The following TBC1D30 variants were observed in gnomAD, a reference collection of about 807,000 sequenced individuals.
TBC1D30 encodes TBC1 domain family member 30, also known as TBC1 domain family, member 30.
Under a neutral mutation model 63.2 loss-of-function variants are expected in TBC1D30, and 31 were observed. That is an observed-to-expected ratio of 0.49 (90% confidence interval 0.37 to 0.66). TBC1D30 has a LOEUF of 0.66. Among genes scored for constraint, TBC1D30 ranks in the 30% least tolerant of loss-of-function variants. The pLI, the probability that TBC1D30 is intolerant of heterozygous loss-of-function variation, is 0.00. For missense variants in TBC1D30, 810 were observed against 953.6 expected, an observed-to-expected ratio of 0.85 and a Z score of 1.98; for synonymous variants, 307 against 361.5, an observed-to-expected ratio of 0.85 and a Z score of 1.71.
intron 1 of TBC1D30, among the ~76,000 whole-genome samples, chr12:64,766,355 CAT>C (rs1870714266): frequency 6.6e-6 from 1 of 150,610 alleles, no homozygotes; most frequent in South Asian, 2.1e-4. Context: ...GCAGAAAAAA[CAT>C]AAAGAAAATC....
chr12:64,791,212 T>C (rs1871900125), intron 2 of TBC1D30, among the ~76,000 whole-genome samples: 1 of 152,136 alleles, frequency 6.6e-6, no homozygotes, highest in South Asian at 2.1e-4. Context: ...ATGATTCCAT[T>C]TGGCAAATAT....
chr12:64,772,690 A>G lies in TBC1D30; in HGVS notation c.-376+13041A>G, dbSNP rs569237305. Among the ~76,000 whole-genome samples, 116 of 152,198 alleles carry G rather than the reference A, an allele frequency of 7.6e-4. 2 individuals are homozygous for G. Among genetic ancestry groups the G allele is most frequent in the Non-Finnish European group, 1.1e-3 (76 of 68,002 alleles). ...TGATCCACCTGCCTCGGCCTCCTAA[A>G]GTGCTGGGATTACAGGCGTGAGCCA... On this transcript the variant is annotated intron_variant, in intron 1 of 13. Coordinates refer to the TBC1D30 transcript ENST00000674237.
chr12:64,816,104 C>A (rs1592582374), intron 2 of TBC1D30, among the ~76,000 whole-genome samples: 1 of 151,092 alleles, frequency 6.6e-6, no homozygotes, highest in East Asian at 1.9e-4. Context: ...GCAATCTTGG[C>A]TCACTGCAAC....
intron 10 of TBC1D30, among the ~76,000 whole-genome samples, chr12:64,867,235 G>T (rs1878297393): frequency 6.6e-6 from 1 of 152,080 alleles, no homozygotes; most frequent in Non-Finnish European, 1.5e-5. Context: ...GGAGGCTGAG[G>T]CAGATGCATC....
intron 1 of TBC1D30, among the ~76,000 whole-genome samples, chr12:64,769,200 A>T (rs1870816786): frequency 6.6e-6 from 1 of 151,600 alleles, no homozygotes; most frequent in Admixed American, 6.6e-5. Context: ...AGAACTGATG[A>T]TTCCTGTAGA....
intron 8 of TBC1D30, among the ~76,000 whole-genome samples, chr12:64,848,627 G>C (rs1876599105): frequency 6.6e-6 from 1 of 152,140 alleles, no homozygotes; most frequent in Non-Finnish European, 1.5e-5. Context: ...TGGCTGCATA[G>C]TATTCCATGG....
chr12:64,808,498 T>C (rs1264325510), intron 2 of TBC1D30, among the ~76,000 whole-genome samples: 1 of 152,226 alleles, frequency 6.6e-6, no homozygotes, highest in East Asian at 1.9e-4. Flanking sequence ...CCTTGGAAGA[T>C]ACTGCCATAA....
At chr12:64,855,160 G>T (rs1384858752) in intron 8 of TBC1D30, among the ~76,000 whole-genome samples, 1 of 152,020 alleles carries the variant, frequency 6.6e-6, no homozygotes, top group Non-Finnish European at 1.5e-5. Flanking sequence ...CTCTCTCCTG[G>T]CCTGTAAGAT....
intron 1 of TBC1D30, among the ~76,000 whole-genome samples, chr12:64,759,837 G>A (rs1870431386): frequency 6.6e-6 from 1 of 152,208 alleles, no homozygotes; most frequent in South Asian, 2.1e-4. Flanking sequence ...CAGCTGGTGA[G>A]GAAAGTGGAC....
chr12:64,848,920 A>G (rs1342884243), intron 8 of TBC1D30, among the ~76,000 whole-genome samples: 3 of 152,152 alleles, frequency 2.0e-5, no homozygotes, highest in Non-Finnish European at 4.4e-5. Flanking sequence ...ATTTCTCCAC[A>G]TCCTCTCCAG....
chr12:64,829,026 G>A (rs1464645669), intron 3 of TBC1D30, among the ~76,000 whole-genome samples: 3 of 152,046 alleles, frequency 2.0e-5, no homozygotes, highest in South Asian at 2.1e-4. Context: ...GGGGTGGGGC[G>A]GGGCTGGGGC....
At chr12:64,820,643 G>C (rs1470615091), upstream of TBC1D30, among the ~76,000 whole-genome samples, 1 of 152,162 alleles carries the variant, frequency 6.6e-6, no homozygotes, top group Admixed American at 6.5e-5. Flanking sequence ...AAAGAATAAT[G>C]GTAAATTGGC....
At chr12:64,823,917 A>T (rs1322284235), upstream of TBC1D30, among the ~76,000 whole-genome samples, 1 of 152,164 alleles carries the variant, frequency 6.6e-6, no homozygotes, top group Non-Finnish European at 1.5e-5. Context: ...CTTCTCCTAT[A>T]CAAGTTTTCT....
chr12:64,854,490 T>TTTTC, intron 8 of TBC1D30, among the ~76,000 whole-genome samples: 1 of 138,976 alleles, frequency 7.2e-6, no homozygotes, highest in South Asian at 2.1e-4. Context: ...TAGTCTTTCT[T>TTTTC]TTTCTTTCTT....
intron 2 of TBC1D30, among the ~76,000 whole-genome samples, chr12:64,812,212 A>G (rs1873256810): frequency 6.6e-6 from 1 of 152,128 alleles, no homozygotes; most frequent in Admixed American, 6.5e-5. Flanking sequence ...TATGCCTAGG[A>G]AAAAATTACC....
At position 64,880,638 on chromosome 12, in the gene TBC1D30, C is replaced by T. The variant is rs775560220; in HGVS notation, c.*4850C>T. 12 of 152,374 alleles carry T rather than the reference C, an allele frequency of 7.9e-5. No individual in the cohort carries two copies. The highest frequency in any genetic ancestry group is 1.3e-4 in the Non-Finnish European group (9 of 68,068). The allele number at this position is 152,374 out of a possible 1,614,324, so 9.4% of individuals were successfully genotyped here. A position where few individuals can be genotyped will look rare whatever the true frequency, so the allele number is the denominator to read the frequency against. On this transcript the variant is annotated 3_prime_UTR_variant, in exon 12 of 12. Coordinates refer to ENST00000539867, the MANE Select transcript of TBC1D30 (RefSeq NM_015279.2). ...ATGGCCCCGCCTTCAAATACCATCACGTTGAAGGTTGCTTCCTTCCTGGTC... is the reference window on the plus strand; with the variant it reads ...ATGGCCCCGCCTTCAAATACCATCATGTTGAAGGTTGCTTCCTTCCTGGTC...
chr12:64,822,959 A>T (rs1013087968), upstream of TBC1D30, among the ~76,000 whole-genome samples: 8 of 152,114 alleles, frequency 5.3e-5, no homozygotes, highest in African/African-American at 1.9e-4. Context: ...TTTAGAGACC[A>T]TAACCTGGGT....
At chr12:64,866,458 C>T (rs112615878) in intron 9 of TBC1D30, among the ~76,000 whole-genome samples, 79 of 150,838 alleles carry the variant, frequency 5.2e-4, no homozygotes, top group African/African-American at 9.5e-4. Context: ...TTTTTTGAGA[C>T]GGAGTCTTGC....
chr12:64,875,015 A>G lies in TBC1D30; in HGVS notation c.1513A>G (p.Thr505Ala). ...VYIRADKGPV[T>A]SILPSQVNSS... Reference sequence around the variant, plus strand: ...ATTTCTTTCAGACAAAGGGCCAGTGACCAGCATTCTCCCGTCTCAGGTAAA... The same window carrying G: ...ATTTCTTTCAGACAAAGGGCCAGTGGCCAGCATTCTCCCGTCTCAGGTAAA... The change falls in exon 12 of 12, where the codon ACC (threonine) becomes GCC (alanine). Residue 505 changes from threonine (T) to alanine (A), a missense_variant. Coordinates refer to ENST00000539867, the MANE Select transcript of TBC1D30 (RefSeq NM_015279.2). 1 of 1,536,266 alleles carries G rather than the reference A, an allele frequency of 6.5e-7. No homozygotes were observed. The highest frequency in any genetic ancestry group is 1.2e-5 in the South Asian group (1 of 84,004).
Sources: gnomAD v4.1 joint callset for allele counts (sites outside exome capture counted in the v4.1 genomes callset) on GRCh38, gnomAD v4.1.1 for gene constraint, MANE v1.5 for transcripts, NCBI Gene and HGNC (gene_info 2026-07-23, HGNC 2026-07-21) for gene names.